Variants in SEC14L2 observed in about 807,000 individuals in gnomAD.
SEC14L2 encodes SEC14 like lipid binding 2, also known as SEC14-like protein 2.
Under a neutral mutation model 56.9 loss-of-function variants are expected in SEC14L2, and 50 were observed. That is an observed-to-expected ratio of 0.88 (90% CI 0.70 to 1.11). The LOEUF is 1.11. Ranked by LOEUF, SEC14L2 falls within the 50% of genes most tolerant of loss-of-function variation. SEC14L2 has a pLI of 0.00. For synonymous variants in SEC14L2, 179 were observed against 188.5 expected (o/e 0.95, Z 0.41); for missense variants, 414 against 500.7 (o/e 0.83, Z 1.65).
rs1343661388 is a variant in SEC14L2, at chr22:30,416,293, T to C, written c.971T>C (p.Met324Thr). 1.9e-6 allele frequency: 3 copies of C among 1,614,216 alleles called. No individual in the cohort carries two copies. Among genetic ancestry groups the C allele is most frequent in the East Asian group, 4.5e-5 (2 of 44,884 alleles). Residue 324 changes from methionine to threonine, a missense_variant, in exon 11 of 12, where the codon ATG becomes ACG. Physicochemically the swap from Met to Thr is moderately conservative, Grantham distance 81. Coordinates refer to ENST00000615189, the MANE Select transcript of SEC14L2 (RefSeq NM_012429.5). ...TTTGGGATTTTCCTGAAGACCAAGA[T>C]GGGAGAGAGGCAGCGGGCAGGGGAG... Reference protein sequence around the residue: ...VGFGIFLKTKMGERQRAGEMT... With the variant: ...VGFGIFLKTKTGERQRAGEMT...
rs776633367 is a variant in SEC14L2, at chr22:30,399,708, T to C, written c.120T>C (p.Arg40=). The change falls in exon 2 of 12, where the codon CGT becomes CGC. Residue 40 remains arginine, a synonymous_variant. Coordinates refer to ENST00000615189, the MANE Select transcript of SEC14L2 (RefSeq NM_012429.5). ...ATCCAGATGACTATTTTCTCCTGCG[T>C]TGGCTCCGAGGTGAGGGAAGAGGGG... ...LPNPDDYFLL[R]WLRARSFDLQ... The C allele has an allele frequency of 1.4e-5, 22 of 1,613,542 alleles. No homozygotes were observed. The highest frequency in any genetic ancestry group is 4.4e-5 in the South Asian group (4 of 91,064).
At chr22:30,399,014 A>G (rs1933840698) in intron 1 of SEC14L2, among the ~76,000 whole-genome samples, 1 of 152,186 alleles carries the variant, frequency 6.6e-6, no homozygotes, top group African/African-American at 2.4e-5. Context: ...CTTTTACTGC[A>G]GTCCGTATCA....
intron 8 of SEC14L2, among the ~76,000 whole-genome samples, chr22:30,414,792 T>C (rs1934344168): frequency 6.6e-6 from 1 of 150,460 alleles, no homozygotes; most frequent in Non-Finnish European, 1.5e-5. Flanking sequence ...GCCAAATTAC[T>C]GGTGGCTCAA....
In SEC14L2 at chr22:30,412,821, C is replaced by G. The variant is rs141044908; in HGVS notation, c.664+2142C>G. ...CCTGGGCAACAGAGCAAAACCCTGT[C>G]TCAAAAAAAAAAAACAAACAAAAAA... On this transcript the variant is annotated intron_variant, in intron 8 of 11. Coordinates refer to ENST00000615189, the MANE Select transcript of SEC14L2 (RefSeq NM_012429.5). Among the ~76,000 whole-genome samples, 394 of 135,576 alleles carry G rather than the reference C, an allele frequency of 2.9e-3. 1 individual carries two copies. The highest frequency in any genetic ancestry group is 4.7e-3 in the Non-Finnish European group (303 of 64,186). The allele number at this position is 135,576 out of a possible 152,430, so 88.9% of individuals were successfully genotyped here. A position where few individuals can be genotyped will look rare whatever the true frequency, so the allele number is the denominator to read the frequency against.
At position 30,423,106 on chromosome 22, in the gene SEC14L2, A is replaced by T. The variant is rs1934565821; in HGVS notation, c.*699A>T. 2 of 152,794 alleles carry T rather than the reference A, an allele frequency of 1.3e-5. No individual in the cohort carries two copies. Among genetic ancestry groups the T allele is most frequent in the Non-Finnish European group, 1.5e-5 (1 of 68,128 alleles). 9.5% of individuals were successfully genotyped at this position (152,794 alleles called of 1,614,324 possible). A position where few individuals can be genotyped will look rare whatever the true frequency, so the allele number is the denominator to read the frequency against. ...TTCGGGTACCCACCCGCTGTTCTCC[A>T]TGCAAACAAAGCGCCAGGGAAATGA... On this transcript the variant is annotated 3_prime_UTR_variant, in exon 12 of 12. Coordinates refer to ENST00000615189, the MANE Select transcript of SEC14L2 (RefSeq NM_012429.5).
Position 30,409,452 on chromosome 22 carries a change from T to C in SEC14L2, c.546T>C (p.Tyr182=). 2 of 1,614,202 alleles carry C rather than the reference T, an allele frequency of 1.2e-6. No individual in the cohort carries two copies. The highest frequency in any genetic ancestry group is 1.7e-6 in the Non-Finnish European group (2 of 1,180,022). ...GEFLCMFEEN[Y]PETLKRLFVV... is the part of the protein sequence containing the mutation. ...TTCTCTGCATGTTTGAGGAAAATTA[T>C]CCCGAAACACTGAAGCGTCTTTTTG... Residue 182 remains tyrosine, a synonymous_variant, in exon 7 of 12, where the codon TAT becomes TAC. Transcript: ENST00000615189.
At chr22:30,407,241 A>G in intron 4 of SEC14L2, 87 bp downstream of exon 4, 2 of 1,534,552 alleles carry the variant, frequency 1.3e-6, no homozygotes, top group Non-Finnish European at 1.8e-6. Flanking sequence ...TTGGATCCTT[A>G]GAGGAAAGGT....
chr22:30,412,212 A>G (rs1934268262), intron 8 of SEC14L2, among the ~76,000 whole-genome samples: 1 of 152,192 alleles, frequency 6.6e-6, no homozygotes, highest in African/African-American at 2.4e-5. Flanking sequence ...ACACAGTACT[A>G]GCAAGATTGC....
rs765757777 is a variant in SEC14L2 at position 30,415,981 on chromosome 22, T to G, written c.805T>G (p.Tyr269Asp). 8 of 1,614,212 alleles carry G rather than the reference T, an allele frequency of 5.0e-6. No individual in the cohort carries two copies. Among genetic ancestry groups the G allele is most frequent in the Non-Finnish European group, 5.1e-6 (6 of 1,180,034 alleles). ...NYGGDIPRKY[Y>D]VRDQVKQQYE... is the part of the protein sequence containing the mutation. Reference sequence around the variant, plus strand: ...CGGGGGTGACATCCCCAGGAAGTATTATGTGCGAGACCAGGTGAAACAGCA... The same window carrying G: ...CGGGGGTGACATCCCCAGGAAGTATGATGTGCGAGACCAGGTGAAACAGCA... Residue 269 changes from tyrosine to aspartate, a missense_variant, in exon 10 of 12, where the codon TAT becomes GAT. Transcript: ENST00000615189.
intron 1 of SEC14L2, chr22:30,398,498 T>G (rs182845109): frequency 2.8e-6 from 1 of 356,530 alleles, no homozygotes; most frequent in East Asian, 7.5e-5. Flanking sequence ...TATAGGGGCC[T>G]GTTCGCCTAC....
intron 7 of SEC14L2, 108 bp downstream of exon 7, chr22:30,409,594 C>A: frequency 9.3e-7 from 1 of 1,071,634 alleles, no homozygotes; most frequent in Non-Finnish European, 1.4e-6. Context: ...GGTCTGAGGA[C>A]ATGTTCAGAA....
intron 10 of SEC14L2, 68 bp downstream of exon 10, chr22:30,416,155 A>C: frequency 1.2e-6 from 2 of 1,609,638 alleles, no homozygotes; most frequent in Non-Finnish European, 1.7e-6. Flanking sequence ...GGGCTGGAAT[A>C]GGAGAAGCCC....
At position 30,410,480 on chromosome 22, in the gene SEC14L2, T is replaced by C. The variant is rs879930095; in HGVS notation, c.581-116T>C. The C allele has an allele frequency of 4.1e-5, 40 of 973,490 alleles. No individual in the cohort carries two copies. In the Admixed American group the frequency reaches 6.9e-4, roughly 17 times the overall value. The allele number at this position is 973,490 out of a possible 1,614,324, so 60.3% of individuals were successfully genotyped here. ...GCTGCCTATGTGGGCTCCAGAGCCC[T>C]GGGGAACATGTGGCCCAGCATGGGC... is the stretch of plus-strand genomic sequence containing the variant. On this transcript the variant is annotated intron_variant, in intron 7 of 11. Transcript: ENST00000615189.
At chr22:30,397,733 C>T in intron 1 of SEC14L2, 1 of 405,890 alleles carries the variant, frequency 2.5e-6, no homozygotes, top group Non-Finnish European at 5.1e-6. Flanking sequence ...GGAACACCTC[C>T]GTGTGTGAAT....
In SEC14L2 at chr22:30,397,102, C is replaced by A. The variant is rs199507051; in HGVS notation, c.-15C>A. On this transcript the variant is annotated 5_prime_UTR_variant, in exon 1 of 12. Coordinates refer to ENST00000615189, the MANE Select transcript of SEC14L2 (RefSeq NM_012429.5). ...GCCTCCCGCCCCCAAACCCCATCCC[C>A]GCGGTTGAGCCACGATGAGCGGCAG... 1.7e-5 allele frequency: 27 copies of A among 1,548,010 alleles called. No individual in the cohort carries two copies. Among genetic ancestry groups the A allele is most frequent in the East Asian group, 9.9e-5 (4 of 40,416 alleles).
At position 30,412,236 on chromosome 22, in the gene SEC14L2, T is replaced by G. The variant is rs1286377579; in HGVS notation, c.664+1557T>G. Among the ~76,000 whole-genome samples the G allele has an allele frequency of 2.0e-5, 3 of 152,242 alleles. 1 individual carries two copies. Among genetic ancestry groups the G allele is most frequent in the Admixed American group, 2.0e-4 (3 of 15,294 alleles). ...TAGCAAGATTGCGAAGGCTACCAGT[T>G]TGCACGAGCCTCTGTCTCTACAAAA... is the stretch of plus-strand genomic sequence containing the variant. On this transcript the variant is annotated intron_variant, in intron 8 of 11. Transcript: ENST00000615189.
In SEC14L2 at chr22:30,423,427, A is replaced by C. The variant is rs1954159450; in HGVS notation, c.*1020A>C. ...GGCATGCAACGCGTGCAGGGAGTTC[A>C]GGTGCCGGTCGGCGTAGCCAGGCCT... On this transcript the variant is annotated 3_prime_UTR_variant, in exon 12 of 12. Transcript: ENST00000615189. The C allele has an allele frequency of 6.5e-6, 1 of 152,708 alleles. No homozygotes were observed. The highest frequency in any genetic ancestry group is 6.5e-5 in the Admixed American group (1 of 15,290). The allele number at this position is 152,708 out of a possible 1,614,324, so 9.5% of individuals were successfully genotyped here.
intron 8 of SEC14L2, 145 bp from the exon 9 acceptor site, chr22:30,415,614 C>A (rs1487121895): frequency 2.9e-6 from 2 of 680,120 alleles, no homozygotes; most frequent in African/African-American, 1.8e-5. Context: ...GCACTGTGTG[C>A]TCCTAATGCA....
At chr22:30,398,530 T>C (rs1474967438) in intron 1 of SEC14L2, 4 of 368,228 alleles carry the variant, frequency 1.1e-5, no homozygotes, top group East Asian at 1.5e-4. Flanking sequence ...AGGTTGGAGG[T>C]AGGTGTGGCT....
Sources: allele counts gnomAD v4.1 joint callset (sites outside exome capture counted in the v4.1 genomes callset), GRCh38; gene constraint gnomAD v4.1.1; transcripts MANE v1.5; gene names NCBI Gene and HGNC (gene_info 2026-07-23, HGNC 2026-07-21).